ATP11A: variants seen among roughly 807,000 people sequenced by gnomAD.
ATP11A encodes phospholipid-transporting ATPase IH.
Under a neutral mutation model 154.4 loss-of-function variants are expected in ATP11A, and 81 were observed. The ratio of observed to expected loss-of-function variants is 0.52; its 90% CI spans 0.44 to 0.63. ATP11A has a LOEUF of 0.63. Ranked by LOEUF, ATP11A falls within the 30% of genes least tolerant of loss-of-function variation. The probability of loss-of-function intolerance (pLI) is 0.00; values close to 1 mark genes in which losing one functional copy is unlikely to be tolerated. For synonymous variants in ATP11A, 623 were observed against 585.9 expected (o/e 1.06, Z -0.91); for missense variants, 1,316 against 1,474.3 (o/e 0.89, Z 1.76).
chr13:112,744,667 G>C (rs1397625611), intron 1 of ATP11A, among the ~76,000 whole-genome samples: 2 of 152,282 alleles, frequency 1.3e-5, no homozygotes, highest in East Asian at 1.9e-4. Flanking sequence ...GAGGTGTTTT[G>C]CTTTTGCCAG....
At chr13:112,712,999 T>A (rs1335343379) in intron 1 of ATP11A, among the ~76,000 whole-genome samples, 1 of 152,242 alleles carries the variant, frequency 6.6e-6, no homozygotes, top group African/African-American at 2.4e-5. Flanking sequence ...CGTATCTGGT[T>A]AATGTGAGCA....
At chr13:112,847,786 G>A (rs2079649351) in intron 17 of ATP11A, among the ~76,000 whole-genome samples, 1 of 152,168 alleles carries the variant, frequency 6.6e-6, no homozygotes, top group Non-Finnish European at 1.5e-5. Flanking sequence ...TTTCATTTGT[G>A]CAGAAAATGC....
intron 5 of ATP11A, among the ~76,000 whole-genome samples, chr13:112,811,277 C>A (rs2078493130): frequency 6.6e-6 from 1 of 151,572 alleles, no homozygotes; most frequent in South Asian, 2.1e-4. Context: ...CCCATCCCCA[C>A]ACACACCCTC....
intron 1 of ATP11A, among the ~76,000 whole-genome samples, chr13:112,752,023 A>G (rs757409322): frequency 1.3e-5 from 2 of 152,188 alleles, no homozygotes; most frequent in Non-Finnish European, 2.9e-5. Context: ...GGAGTGCCCC[A>G]TGCTTTTAAG....
chr13:112,696,385 G>A lies in ATP11A; in HGVS notation c.39+5930G>A, dbSNP rs1885805628. ...CCGGGGAGAGCGGTGGTCACTGGTG[G>A]GAACGCCCCTGCCACGCCCAGCAGC... On this transcript the variant is annotated intron_variant, in intron 1 of 29. Coordinates refer to ENST00000375645, the MANE Select transcript of ATP11A (RefSeq NM_015205.3). This position sits in a 1 kb window ranked among gnomAD's most constrained non-coding sequence, Gnocchi z 6.2. Among the ~76,000 whole-genome samples, 1 of 152,004 alleles carries A rather than the reference G, an allele frequency of 6.6e-6. No individual in the cohort carries two copies. The highest frequency in any genetic ancestry group is 1.5e-5 in the Non-Finnish European group (1 of 67,994).
intron 25 of ATP11A, among the ~76,000 whole-genome samples, chr13:112,869,283 C>T (rs2080436221): frequency 6.6e-6 from 1 of 152,212 alleles, no homozygotes; most frequent in African/African-American, 2.4e-5. Context: ...TCTGGATTCA[C>T]GATAGCTGTG....
At chr13:112,787,360 G>A (rs1210052402) in intron 2 of ATP11A, among the ~76,000 whole-genome samples, 5 of 130,428 alleles carry the variant, frequency 3.8e-5, no homozygotes, top group Non-Finnish European at 7.5e-5. Context: ...GTGTCCTGAT[G>A]CGTAGACTCC....
rs1341665693 is a variant in ATP11A, at chr13:112,690,078, A to C, written c.-339A>C. Among the ~76,000 whole-genome samples the C allele has an allele frequency of 1.3e-5, 2 of 148,656 alleles. No homozygotes were observed. The highest frequency in any genetic ancestry group is 1.9e-4 in the East Asian group (1 of 5,132). ...GGGGAGGAGGAGACTCGGGAGGAGC[A>C]GAGCGCAGGCTCCGCCGCGGCCGGG... On this transcript the variant is annotated 5_prime_UTR_variant, in exon 1 of 30. Transcript: ENST00000375645. The surrounding 1 kb of genome is among the most constrained non-coding windows in gnomAD (Gnocchi z 5.6).
rs2080065065 is a variant in ATP11A, at chr13:112,860,323, A to T, written c.2764A>T (p.Ile922Phe). 2 of 1,614,126 alleles carry T rather than the reference A, an allele frequency of 1.2e-6. No homozygotes were observed. Among genetic ancestry groups the T allele is most frequent in the Non-Finnish European group, 1.7e-6 (2 of 1,180,012 alleles). ...CACCGCGTATCTGACCCTCTACAAC[A>T]TCAGCTTCACCTCCCTCCCCATCCT... ...YDTAYLTLYNISFTSLPILLY... is the reference protein window; with the variant it reads ...YDTAYLTLYNFSFTSLPILLY... Residue 922 changes from isoleucine (I) to phenylalanine (F), a missense_variant, in exon 24 of 30, where the codon ATC becomes TTC. Around this residue, in one of 5 missense-constraint regions of ATP11A, gnomAD observed 294 missense variants for 290.2 expected, o/e 1.01. Transcript: ENST00000375645.
At chr13:112,699,920 T>A (rs1308547541) in intron 1 of ATP11A, among the ~76,000 whole-genome samples, 4 of 152,174 alleles carry the variant, frequency 2.6e-5, no homozygotes, top group African/African-American at 9.7e-5. Context: ...GAAAATAACC[T>A]TGTAATTTCA....
chr13:112,877,569 G>A (rs1004233558), intron 28 of ATP11A, among the ~76,000 whole-genome samples: 3 of 152,190 alleles, frequency 2.0e-5, no homozygotes, highest in Admixed American at 6.5e-5. Context: ...GCTTGGGGGT[G>A]TCTGCTGGGC....
chr13:112,809,477 A>G (rs2078425411), intron 4 of ATP11A, among the ~76,000 whole-genome samples: 1 of 152,120 alleles, frequency 6.6e-6, no homozygotes, highest in Admixed American at 6.5e-5. Flanking sequence ...CTCCTGCCCC[A>G]CAGGCTCTTG....
intron 25 of ATP11A, among the ~76,000 whole-genome samples, chr13:112,865,139 G>A (rs1196740275): frequency 9.1e-5 from 8 of 88,184 alleles, no homozygotes; most frequent in African/African-American, 3.1e-4. Flanking sequence ...CACCACCTGC[G>A]CAGTAATTCA....
rs770347356 is a variant in ATP11A at position 112,690,463 on chromosome 13, C to T, written c.39+8C>T. On this transcript the variant is annotated splice_region_variant and intron_variant, in intron 1 of 29. Coordinates refer to ENST00000375645, the MANE Select transcript of ATP11A (RefSeq NM_015205.3). The surrounding 1 kb of genome is among the most constrained non-coding windows in gnomAD (Gnocchi z 5.6). Reference sequence around the variant, plus strand: ...ACGCTCGTGCACAGATACGTGAGTGCTCCCGGCGCGGGCTGGGGGACCCGG... The same window carrying T: ...ACGCTCGTGCACAGATACGTGAGTGTTCCCGGCGCGGGCTGGGGGACCCGG... 152 of 1,346,714 alleles carry T rather than the reference C, an allele frequency of 1.1e-4. 3 individuals carry two copies. The highest frequency in any genetic ancestry group is 2.5e-4 in the Middle Eastern group (1 of 3,930). The allele number at this position is 1,346,714 out of a possible 1,614,324, so 83.4% of individuals were successfully genotyped here.
At chr13:112,805,887 T>C (rs918333035) in intron 3 of ATP11A, among the ~76,000 whole-genome samples, 2 of 152,022 alleles carry the variant, frequency 1.3e-5, no homozygotes, top group African/African-American at 4.8e-5. Context: ...TTTTCCAACA[T>C]TAAATTATTC....
chr13:112,787,174 A>C (rs1448182140), intron 2 of ATP11A, among the ~76,000 whole-genome samples: 1 of 140,198 alleles, frequency 7.1e-6, no homozygotes, highest in Non-Finnish European at 1.5e-5. Flanking sequence ...TGATGCGTAG[A>C]CCCCTGTGGA....
Position 112,826,831 on chromosome 13 carries a change from C to T in ATP11A, c.1161C>T (p.Asp387=), listed in dbSNP as rs369417423. The change falls in exon 12 of 30, where the codon GAC becomes GAT. Residue 387 remains aspartate, a synonymous_variant. Transcript: ENST00000375645. ...TCACCTGGGACGAAGACATGTTTGACGAGGAGACTGGCGAGGGGCCTCTGG... is the reference window on the plus strand; with the variant it reads ...TCACCTGGGACGAAGACATGTTTGATGAGGAGACTGGCGAGGGGCCTCTGG... The part of the protein sequence containing the change: ...YFITWDEDMF[D]EETGEGPLVN... 37 of 1,614,014 alleles carry T rather than the reference C, an allele frequency of 2.3e-5. No individual in the cohort carries two copies. Among genetic ancestry groups the T allele is most frequent in the South Asian group, 2.2e-4 (20 of 91,086 alleles).
rs2140147970 is a variant in ATP11A, at chr13:112,807,796, G to A, written c.333+1503G>A. Among the ~76,000 whole-genome samples the A allele has an allele frequency of 1.3e-5, 2 of 152,288 alleles. No homozygotes were observed. The highest frequency in any genetic ancestry group is 2.9e-5 in the Non-Finnish European group (2 of 68,024). ...CATCTGTGTGGTAGGAGCAGAGGCT[G>A]CAGACAGGAAGGAGACCCCTGAGCC... is the stretch of plus-strand genomic sequence containing the variant. On this transcript the variant is annotated intron_variant, in intron 4 of 29. Coordinates refer to ENST00000375645, the MANE Select transcript of ATP11A (RefSeq NM_015205.3). The surrounding 1 kb of genome is among the most constrained non-coding windows in gnomAD (Gnocchi z 4.5).
Position 112,859,320 on chromosome 13 carries a change from G to A in ATP11A, c.2668-73G>A. On this transcript the variant is annotated intron_variant, in intron 22 of 29. Transcript: ENST00000375645. This position sits in a 1 kb window ranked among gnomAD's most constrained non-coding sequence, Gnocchi z 4.3. The stretch of plus-strand genomic sequence containing the variant: ...GTGGATCCCTCCTCCCATGTGGGGT[G>A]GGCCACGTCGGTAGGTGGCGGCTGC... The A allele has an allele frequency of 3.2e-6, 4 of 1,240,574 alleles. No individual in the cohort carries two copies. In the South Asian group the frequency reaches 3.6e-5, roughly 11 times the overall value. 76.8% of individuals were successfully genotyped at this position (1,240,574 alleles called of 1,614,324 possible). A position where few individuals can be genotyped will look rare whatever the true frequency, so the allele number is the denominator to read the frequency against.
Sources: gnomAD v4.1 joint callset for allele counts (sites outside exome capture counted in the v4.1 genomes callset) on GRCh38, gnomAD v4.1.1 for gene constraint, gnomAD v4.1.1 regional missense constraint, Gnocchi (gnomAD v3.1) non-coding constraint, MANE v1.5 for transcripts, NCBI Gene and HGNC (gene_info 2026-07-23, HGNC 2026-07-21) for gene names.